The following MASP1 variants were observed in gnomAD, a reference collection of about 807,000 sequenced individuals.
MASP1 encodes the protein mannan-binding lectin serine protease 1.
A neutral mutation model predicts 77.1 loss-of-function variants in MASP1; 59 were observed. The ratio of observed to expected loss-of-function variants is 0.77; its 90% CI spans 0.62 to 0.95. MASP1 has a LOEUF of 0.95. Among genes scored for constraint, MASP1 ranks in the 40% least tolerant of loss-of-function variants. The pLI, the probability that MASP1 is intolerant of heterozygous loss-of-function variation, is 0.00. For missense variants in MASP1, 885 were observed against 912.9 expected, an observed-to-expected ratio of 0.97 and a Z score of 0.39; for synonymous variants, 362 against 354.5, an observed-to-expected ratio of 1.02 and a Z score of -0.24.
chr3:187,282,393 A>G (rs1717494389), intron 2 of MASP1, among the ~76,000 whole-genome samples: 1 of 151,006 alleles, frequency 6.6e-6, no homozygotes, highest in Admixed American at 6.6e-5. Flanking sequence ...GCTGCTCAGG[A>G]GGCTGAGGCA....
In MASP1 at chr3:187,234,545, T is replaced by C; in HGVS notation, c.*1139A>G. The C allele has an allele frequency of 1.6e-6, 2 of 1,287,194 alleles. No individual in the cohort carries two copies. The highest frequency in any genetic ancestry group is 2.0e-6 in the Non-Finnish European group (2 of 988,668). 79.7% of individuals were successfully genotyped at this position (1,287,194 alleles called of 1,614,324 possible). A position where few individuals can be genotyped will look rare whatever the true frequency, so the allele number is the denominator to read the frequency against. ...GGGACTAGAACCCAGGACTCCTGGC[T>C]CTTTTCACTGCCTGCCATGGGTGAG... is the stretch of plus-strand genomic sequence containing the variant. On this transcript the variant is annotated 3_prime_UTR_variant, in exon 11 of 11. Transcript: ENST00000296280.
chr3:187,246,834 C>A, intron 8 of MASP1: 1 of 1,004,576 alleles, frequency 1.0e-6, no homozygotes, highest in Non-Finnish European at 1.2e-6. Context: ...AAAATCCACA[C>A]TCTGTGAGTT....
At chr3:187,247,093 T>A in intron 8 of MASP1, 1 of 1,416,568 alleles carries the variant, frequency 7.1e-7, no homozygotes. Context: ...AATCCCACAT[T>A]TTTTTTTCAT....
chr3:187,263,879 G>A (rs781077743), intron 2 of MASP1, among the ~76,000 whole-genome samples: 4 of 152,126 alleles, frequency 2.6e-5, no homozygotes, highest in Non-Finnish European at 5.9e-5. Flanking sequence ...ATTTATTTGA[G>A]TATAAATTCT....
At chr3:187,255,924 A>G (rs1715035774) in intron 5 of MASP1, among the ~76,000 whole-genome samples, 1 of 151,894 alleles carries the variant, frequency 6.6e-6, no homozygotes, top group South Asian at 2.1e-4. Flanking sequence ...TCCCCAGCTC[A>G]GGGTCTCTTC....
chr3:187,220,988 C>A (rs1579453800), intron 15 of MASP1: 1 of 1,522,518 alleles, frequency 6.6e-7, no homozygotes, highest in East Asian at 2.3e-5. Context: ...CTCTGCACCA[C>A]TCCCTGGCTG....
At chr3:187,260,142 G>A (rs1448706509) in intron 4 of MASP1, among the ~76,000 whole-genome samples, 2 of 152,120 alleles carry the variant, frequency 1.3e-5, no homozygotes, top group Non-Finnish European at 2.9e-5. Flanking sequence ...TACCCCACTA[G>A]CCCAAGAGCT....
chr3:187,267,327 G>A (rs781295389), intron 2 of MASP1, among the ~76,000 whole-genome samples: 16 of 152,174 alleles, frequency 1.1e-4, no homozygotes, highest in Non-Finnish European at 2.1e-4. Flanking sequence ...AATCTGCTCA[G>A]GGCCCTTGAG....
downstream of MASP1, among the ~76,000 whole-genome samples, chr3:187,231,667 T>G (rs1382886314): frequency 6.6e-6 from 1 of 152,246 alleles, no homozygotes; most frequent in East Asian, 1.9e-4. Flanking sequence ...CTGTGCACTG[T>G]GGCTCCCAAG....
chr3:187,246,792 C>T, intron 8 of MASP1: 2 of 981,156 alleles, frequency 2.0e-6, no homozygotes, highest in Non-Finnish European at 2.4e-6. Flanking sequence ...AGAAGGGATA[C>T]TTTTGTGAAT....
chr3:187,248,173 C>A (rs1247717350), intron 8 of MASP1, among the ~76,000 whole-genome samples: 3 of 152,172 alleles, frequency 2.0e-5, no homozygotes, highest in African/African-American at 7.2e-5. Context: ...AGGGTCATAT[C>A]AGGGAAACAG....
rs1438977013 is a variant in MASP1 at position 187,234,283 on chromosome 3, G to T, written c.*1401C>A. The T allele has an allele frequency of 7.8e-7, 1 of 1,287,240 alleles. No homozygotes were observed. Among genetic ancestry groups the T allele is most frequent in the South Asian group, 1.2e-5 (1 of 80,936 alleles). 79.7% of individuals were successfully genotyped at this position (1,287,240 alleles called of 1,614,324 possible). On this transcript the variant is annotated 3_prime_UTR_variant, in exon 11 of 11. Transcript: ENST00000296280. ...ACTTCCCAATCATTCCCTCTCAGGG[G>T]CTTCTCTGGCTGCCTTGCTCTGATG...
intron 8 of MASP1, chr3:187,243,890 G>A (rs571673238): frequency 2.5e-4 from 128 of 502,974 alleles, no homozygotes; most frequent in African/African-American, 2.3e-3. Flanking sequence ...GTAGGGGAAG[G>A]TCTACTGAGG....
intron 5 of MASP1, 80 bp from the exon 6 acceptor site, chr3:187,253,395 C>A: frequency 7.0e-7 from 1 of 1,425,758 alleles, no homozygotes. Context: ...TAACACCTCT[C>A]CACTGCACTC....
At position 187,254,744 on chromosome 3, in the gene MASP1, G is replaced by C. The variant is rs373247364; in HGVS notation, c.745-1429C>G. 4.6e-5 allele frequency among the ~76,000 whole-genome samples: 7 copies of C among 152,234 alleles called. No homozygotes were observed. In the South Asian group the frequency reaches 6.2e-4, roughly 14 times the overall value. ...GAGTTTGCAGGAGGTTGGGGGCAGT[G>C]GGGGAGAGAAGGCAATAGGCTCTAT... is the stretch of plus-strand genomic sequence containing the variant. On this transcript the variant is annotated intron_variant, in intron 5 of 10. Coordinates refer to ENST00000296280, the MANE Select transcript of MASP1 (RefSeq NM_139125.4).
chr3:187,268,724 T>C (rs190659048), intron 2 of MASP1, among the ~76,000 whole-genome samples: 1 of 151,940 alleles, frequency 6.6e-6, no homozygotes, highest in Admixed American at 6.6e-5. Flanking sequence ...TTAGAGGAAA[T>C]ATAGAGGGCC....
chr3:187,235,275 T>G lies in MASP1; in HGVS notation c.*409A>C. ...GCATTCAGTTCAATGTTAGAAACCA[T>G]TTTCTAATAGTCAGGTCCAAGCTCA... is the stretch of plus-strand genomic sequence containing the variant. On this transcript the variant is annotated 3_prime_UTR_variant, in exon 11 of 11. Coordinates refer to ENST00000296280, the MANE Select transcript of MASP1 (RefSeq NM_139125.4). The G allele has an allele frequency of 7.7e-7, 1 of 1,303,650 alleles. No homozygotes were observed. The highest frequency in any genetic ancestry group is 1.0e-6 in the Non-Finnish European group (1 of 1,000,222). The allele number at this position is 1,303,650 out of a possible 1,614,324, so 80.8% of individuals were successfully genotyped here. A position where few individuals can be genotyped will look rare whatever the true frequency, so the allele number is the denominator to read the frequency against.
intron 2 of MASP1, among the ~76,000 whole-genome samples, chr3:187,275,506 G>A (rs965856268): frequency 1.3e-5 from 2 of 152,148 alleles, no homozygotes; most frequent in African/African-American, 4.8e-5. Context: ...TAGGTGTGCT[G>A]GAGCCGGCAG....
At chr3:187,252,970 T>C (rs926335835) in intron 6 of MASP1, among the ~76,000 whole-genome samples, 198 bp downstream of exon 6, 5 of 152,142 alleles carry the variant, frequency 3.3e-5, no homozygotes, top group African/African-American at 1.2e-4. Context: ...CCACCCAACA[T>C]TATTGTTGCC....
Sources: allele counts gnomAD v4.1 joint callset (sites outside exome capture counted in the v4.1 genomes callset), GRCh38; gene constraint gnomAD v4.1.1; transcripts MANE v1.5; gene names NCBI Gene and HGNC (gene_info 2026-07-23, HGNC 2026-07-21).